The following SLCO5A1 variants were observed in gnomAD, a reference collection of about 807,000 sequenced individuals.
The protein encoded by SLCO5A1 is organic anion transporter polypeptide-related protein 4.
Under a neutral mutation model 65.1 loss-of-function variants are expected in SLCO5A1, and 39 were observed. The ratio of observed to expected loss-of-function variants is 0.60; its 90% CI spans 0.46 to 0.78. The LOEUF is 0.78. Ranked by LOEUF, SLCO5A1 falls within the 30% of genes least tolerant of loss-of-function variation. The pLI is 0.00. For missense variants in SLCO5A1, 1,029 were observed against 1,069.4 expected (o/e 0.96, Z 0.53); for synonymous variants, 438 against 415.7 (o/e 1.05, Z -0.65).
intron 2 of SLCO5A1, among the ~76,000 whole-genome samples, chr8:69,786,339 T>C (rs2130888205): frequency 6.6e-6 from 1 of 152,306 alleles, no homozygotes; most frequent in African/African-American, 2.4e-5. Context: ...CTTATAAACC[T>C]CATGATCCAT....
At chr8:69,784,352 T>C (rs1818920046) in intron 2 of SLCO5A1, among the ~76,000 whole-genome samples, 1 of 152,146 alleles carries the variant, frequency 6.6e-6, no homozygotes, top group South Asian at 2.1e-4. Flanking sequence ...GATACCACTA[T>C]CACTAGAATG....
intron 2 of SLCO5A1, among the ~76,000 whole-genome samples, chr8:69,803,290 A>C (rs559128634): frequency 1.3e-5 from 2 of 152,132 alleles, no homozygotes; most frequent in Admixed American, 6.5e-5. Context: ...GGTGGCATAC[A>C]CTTGCAATCC....
At chr8:69,732,308 T>C (rs1017554746) in intron 5 of SLCO5A1, among the ~76,000 whole-genome samples, 1 of 152,156 alleles carries the variant, frequency 6.6e-6, no homozygotes, top group Non-Finnish European at 1.5e-5. Context: ...AAAAACAAAA[T>C]GGAATTTTCC....
chr8:69,670,113 G>C lies in SLCO5A1; in HGVS notation c.*2756C>G, dbSNP rs965245066. On this transcript the variant is annotated 3_prime_UTR_variant, in exon 10 of 10. Transcript: ENST00000260126. The stretch of plus-strand genomic sequence containing the variant: ...CTCCTGGGAGTTTCTAAATTAATAG[G>C]ATGAACTCAAGGATATTGTATTTGC... The C allele has an allele frequency of 6.6e-6, 1 of 152,094 alleles. No homozygotes were observed. The highest frequency in any genetic ancestry group is 2.1e-4 in the South Asian group (1 of 4,824). The allele number at this position is 152,094 out of a possible 1,614,324, so 9.4% of individuals were successfully genotyped here.
At position 69,672,948 on chromosome 8, in the gene SLCO5A1, C is replaced by T. The variant is rs755752862; in HGVS notation, c.2468G>A (p.Gly823Glu). The part of the protein sequence containing the change: ...GIQCAAQTYP[G>E]PFPEAISSSA... ...GGAACTTATTGCTTCTGGGAAGGGC[C>T]CCGGGTAGGTCTGTGCTGCGCACTG... Residue 823 changes from glycine (G) to glutamate (E), a missense_variant, in exon 10 of 10, where the codon GGG becomes GAG. Gly to Glu is a moderately conservative substitution (Grantham distance 98, BLOSUM62 -2). Transcript: ENST00000260126. The T allele has an allele frequency of 1.1e-5, 18 of 1,614,204 alleles. No homozygotes were observed. The highest frequency in any genetic ancestry group is 1.4e-5 in the Non-Finnish European group (17 of 1,180,046).
At chr8:69,766,189 G>C (rs537301450) in intron 2 of SLCO5A1, among the ~76,000 whole-genome samples, 5 of 152,176 alleles carry the variant, frequency 3.3e-5, no homozygotes, top group African/African-American at 1.2e-4. Flanking sequence ...CTTCCAGCTG[G>C]TCTCCTGGCT....
intron 2 of SLCO5A1, among the ~76,000 whole-genome samples, chr8:69,816,241 C>A (rs978983094): frequency 6.6e-6 from 1 of 152,064 alleles, no homozygotes; most frequent in Non-Finnish European, 1.5e-5. Flanking sequence ...GTCCTAAACA[C>A]GATGAAATAC....
At chr8:69,800,493 C>G (rs1819686486) in intron 2 of SLCO5A1, among the ~76,000 whole-genome samples, 1 of 152,088 alleles carries the variant, frequency 6.6e-6, no homozygotes, top group African/African-American at 2.4e-5. Context: ...CTTTGCTACT[C>G]TATATGAACA....
chr8:69,788,540 T>C (rs778367634), intron 2 of SLCO5A1, among the ~76,000 whole-genome samples: 25 of 152,140 alleles, frequency 1.6e-4, no homozygotes, highest in Non-Finnish European at 3.2e-4. Context: ...CCAGATTACA[T>C]CTTGTGGAGT....
At position 69,739,318 on chromosome 8, in the gene SLCO5A1, T is replaced by C. The variant is rs1816700571; in HGVS notation, c.1259-1114A>G. Reference sequence around the variant, plus strand: ...GAACTTAGAAAGTTAAGATTACCTATCCACATTTAAAGATTCAAATTAAGC... The same window carrying C: ...GAACTTAGAAAGTTAAGATTACCTACCCACATTTAAAGATTCAAATTAAGC... On this transcript the variant is annotated intron_variant, in intron 4 of 9. Transcript: ENST00000260126. 2.0e-5 allele frequency among the ~76,000 whole-genome samples: 3 copies of C among 152,216 alleles called. No individual in the cohort carries two copies. In the South Asian group the frequency reaches 6.2e-4, roughly 32 times the overall value.
intron 4 of SLCO5A1, 31 bp downstream of exon 4, chr8:69,755,393 T>C (rs1817494677): frequency 6.3e-7 from 1 of 1,579,340 alleles, no homozygotes; most frequent in Non-Finnish European, 8.7e-7. Context: ...CAAAGTGCCA[T>C]GCATGTATTT....
chr8:69,743,521 T>G (rs1380467267), intron 4 of SLCO5A1, among the ~76,000 whole-genome samples: 2 of 152,134 alleles, frequency 1.3e-5, no homozygotes, highest in Admixed American at 6.5e-5. Context: ...TGAGCAAAGC[T>G]TAAACAAGCA....
At chr8:69,788,472 T>C (rs1033881072) in intron 2 of SLCO5A1, among the ~76,000 whole-genome samples, 1 of 152,156 alleles carries the variant, frequency 6.6e-6, no homozygotes, top group Non-Finnish European at 1.5e-5. Flanking sequence ...ACATTTAACT[T>C]ACTAATTTGG....
At chr8:69,778,228 G>GGTGT (rs71556783) in intron 2 of SLCO5A1, among the ~76,000 whole-genome samples, 1,911 of 143,024 alleles carry the variant, frequency 0.013, 17 homozygotes, top group African/African-American at 0.028. Context: ...ATATGTATGG[G>GGTGT]GTGTGTGTGT....
At chr8:69,706,154 A>T (rs1025004564) in intron 5 of SLCO5A1, among the ~76,000 whole-genome samples, 5 of 152,384 alleles carry the variant, frequency 3.3e-5, no homozygotes, top group Non-Finnish European at 7.3e-5. Context: ...TACAAAGACA[A>T]TGATGAATGG....
intron 5 of SLCO5A1, among the ~76,000 whole-genome samples, chr8:69,726,081 T>C (rs1816056880): frequency 1.3e-5 from 2 of 152,254 alleles, no homozygotes; most frequent in Non-Finnish European, 2.9e-5. Context: ...TGTTTTTCAG[T>C]GTGAGCGTGC....
In SLCO5A1 at chr8:69,756,855, A is replaced by G. The variant is rs149889335; in HGVS notation, c.1041-1214T>C. 2.1e-3 allele frequency among the ~76,000 whole-genome samples: 322 copies of G among 152,310 alleles called. 1 individual carries two copies. The highest frequency in any genetic ancestry group is 7.3e-3 in the African/African-American group (302 of 41,562). ...CTCAGTTCCCTTTCAACATTTCCTT[A>G]GCAATCAGAGGTCCCTGGCACTCCC... On this transcript the variant is annotated intron_variant, in intron 3 of 9. Transcript: ENST00000260126.
rs202207255 is a variant in SLCO5A1 at position 69,673,096 on chromosome 8, C to T, written c.2320G>A (p.Glu774Lys). 3 of 1,614,250 alleles carry T rather than the reference C, an allele frequency of 1.9e-6. No individual in the cohort carries two copies. The highest frequency in any genetic ancestry group is 2.5e-6 in the Non-Finnish European group (3 of 1,180,038). The change falls in exon 10 of 10, where the codon GAA (glutamate) becomes AAA (lysine). Residue 774 changes from glutamate to lysine, a missense_variant. Glu to Lys is a moderately conservative substitution (Grantham distance 56). This residue lies in a region of SLCO5A1 where 258 missense variants were observed against 237.4 expected (regional missense o/e 1.09). Transcript: ENST00000260126. ...EDGLQRRRQREFPLSTVSERV... is the reference protein window; with the variant it reads ...EDGLQRRRQRKFPLSTVSERV... ...TCACTCACGGTGCTCAGGGGAAATT[C>T]TCTCTGCCTCCGCCTCTGCAGTCCA...
intron 5 of SLCO5A1, among the ~76,000 whole-genome samples, chr8:69,726,061 T>C (rs1351409623): frequency 6.6e-6 from 1 of 152,248 alleles, no homozygotes; most frequent in Non-Finnish European, 1.5e-5. Context: ...AAGTAGGTCA[T>C]GTTTGTCTTT....
Sources: allele counts gnomAD v4.1 joint callset (sites outside exome capture counted in the v4.1 genomes callset), GRCh38; gene constraint gnomAD v4.1.1; regional missense constraint gnomAD v4.1.1; transcripts MANE v1.5; gene names NCBI Gene and HGNC (gene_info 2026-07-23, HGNC 2026-07-21).